ARIH1: variants seen among roughly 807,000 people sequenced by gnomAD.
The protein encoded by ARIH1 is E3 ubiquitin-protein ligase ARIH1.
A neutral mutation model predicts 85.0 loss-of-function variants in ARIH1; 8 were observed. That is an observed-to-expected ratio of 0.09 (90% CI 0.06 to 0.17). The LOEUF is 0.17. ARIH1 is among the 10% of genes least tolerant of loss of function. ARIH1 has a pLI of 1.00. For missense variants in ARIH1, 311 were observed against 718.1 expected (o/e 0.43, Z 6.48); for synonymous variants, 238 against 253.6 (o/e 0.94, Z 0.59).
intron 1 of ARIH1, among the ~76,000 whole-genome samples, chr15:72,501,472 C>T (rs189481787): frequency 2.6e-5 from 4 of 152,140 alleles, no homozygotes; most frequent in East Asian, 1.9e-4. Context: ...TTGAGTTGCA[C>T]GGTTTGAGAA....
At chr15:72,571,421 T>C (rs1006031779) in intron 10 of ARIH1, among the ~76,000 whole-genome samples, 4 of 152,234 alleles carry the variant, frequency 2.6e-5, no homozygotes, top group Admixed American at 2.0e-4. Flanking sequence ...ATGAAATAGC[T>C]GCTCCCATAA....
chr15:72,516,860 T>C (rs2063977344), intron 1 of ARIH1, among the ~76,000 whole-genome samples: 1 of 152,200 alleles, frequency 6.6e-6, no homozygotes, highest in South Asian at 2.1e-4. Context: ...CAGAGATCTT[T>C]TTTGGAAGGT....
chr15:72,540,842 T>A lies in ARIH1; in HGVS notation c.444-3978T>A, dbSNP rs192740460. 2.2e-3 allele frequency among the ~76,000 whole-genome samples: 328 copies of A among 152,246 alleles called. 2 individuals carry two copies. The highest frequency in any genetic ancestry group is 3.6e-3 in the Admixed American group (55 of 15,286). ...TAGTGAGACCCTAACTCATTTTTTTTAAAAAAGGTATTAACTCCAATATAC... is the reference window on the plus strand; with the variant it reads ...TAGTGAGACCCTAACTCATTTTTTTAAAAAAAGGTATTAACTCCAATATAC... On this transcript the variant is annotated intron_variant, in intron 2 of 13. Transcript: ENST00000379887.
chr15:72,514,311 G>C (rs904583716), intron 1 of ARIH1, among the ~76,000 whole-genome samples: 1 of 152,098 alleles, frequency 6.6e-6, no homozygotes, highest in African/African-American at 2.4e-5. Flanking sequence ...AATTTGTGTT[G>C]CCATATCTTC....
rs528974090 is a variant in ARIH1 at position 72,580,189 on chromosome 15, T to G, written c.1216-542T>G. On this transcript the variant is annotated intron_variant, in intron 11 of 13. Coordinates refer to ENST00000379887, the MANE Select transcript of ARIH1 (RefSeq NM_005744.5). ...TACATATAAGCGAGATCATGTAGTA[T>G]TTCTTTTCTGTGCCTGGCTTATTTC... Among the ~76,000 whole-genome samples the G allele has an allele frequency of 5.4e-4, 83 of 152,330 alleles. 1 individual carries two copies. In the South Asian group the frequency reaches 0.017, roughly 30 times the overall value.
intron 2 of ARIH1, among the ~76,000 whole-genome samples, chr15:72,534,672 G>C (rs2064072973): frequency 6.6e-6 from 1 of 151,182 alleles, no homozygotes; most frequent in Non-Finnish European, 1.5e-5. Context: ...TAACTTACTT[G>C]AGCAACCTCT....
Position 72,555,832 on chromosome 15 carries a change from T to C in ARIH1, c.682-20T>C, listed in dbSNP as rs2064172433. On this transcript the variant is annotated intron_variant, in intron 4 of 13. Coordinates refer to ENST00000379887, the MANE Select transcript of ARIH1 (RefSeq NM_005744.5). ...AAATATTTGTTGAATGAAGACAGTT[T>C]AAATTTCAATCTTTTTCAGACTATT... 6.2e-7 allele frequency: 1 copy of C among 1,609,102 alleles called. No individual in the cohort carries two copies.
chr15:72,540,577 G>A (rs1488753476), intron 2 of ARIH1, among the ~76,000 whole-genome samples: 2 of 150,386 alleles, frequency 1.3e-5, no homozygotes, highest in Non-Finnish European at 3.0e-5. Context: ...GAATATGAGT[G>A]GATTTTTAGC....
intron 2 of ARIH1, among the ~76,000 whole-genome samples, chr15:72,527,685 G>A (rs1190238048): frequency 1.3e-5 from 2 of 152,090 alleles, no homozygotes; most frequent in African/African-American, 4.8e-5. Context: ...TACTGTCATT[G>A]GCCCAGGCCT....
chr15:72,476,224 G>A (rs1413254357), intron 1 of ARIH1, among the ~76,000 whole-genome samples: 1 of 152,164 alleles, frequency 6.6e-6, no homozygotes, highest in Non-Finnish European at 1.5e-5. Flanking sequence ...AAAAATTGAA[G>A]CATCTATTCA....
intron 1 of ARIH1, among the ~76,000 whole-genome samples, chr15:72,516,019 A>G (rs781189494): frequency 3.3e-5 from 5 of 152,182 alleles, no homozygotes; most frequent in East Asian, 1.9e-4. Context: ...AAATAAAAAC[A>G]TGGTGGTGGA....
At chr15:72,502,538 C>T (rs2063908098) in intron 1 of ARIH1, among the ~76,000 whole-genome samples, 1 of 152,182 alleles carries the variant, frequency 6.6e-6, no homozygotes, top group African/African-American at 2.4e-5. Flanking sequence ...TGGGCACTCA[C>T]TCATGGCTGT....
intron 2 of ARIH1, among the ~76,000 whole-genome samples, chr15:72,519,345 A>G (rs1026974094): frequency 6.6e-6 from 1 of 151,914 alleles, no homozygotes; most frequent in African/African-American, 2.4e-5. Flanking sequence ...TTACTATTAA[A>G]TTACAATTTA....
At chr15:72,559,164 C>A (rs12900846) in intron 5 of ARIH1, among the ~76,000 whole-genome samples, 2 of 152,076 alleles carry the variant, frequency 1.3e-5, no homozygotes, top group Admixed American at 6.5e-5. Flanking sequence ...GTTTCACATC[C>A]CACAAATAAC....
At chr15:72,561,291 T>C (rs2064196405) in intron 5 of ARIH1, among the ~76,000 whole-genome samples, 192 bp from the exon 6 acceptor site, 2 of 152,190 alleles carry the variant, frequency 1.3e-5, no homozygotes, top group South Asian at 4.1e-4. Flanking sequence ...AAAATAAAAC[T>C]ATACAAACTT....
chr15:72,566,336 T>G, intron 7 of ARIH1: 1 of 492,590 alleles, frequency 2.0e-6, no homozygotes, highest in Non-Finnish European at 3.6e-6. Context: ...CGTGTCTTCA[T>G]GCTTATAGTC....
At chr15:72,480,854 G>A (rs777158396) in intron 1 of ARIH1, among the ~76,000 whole-genome samples, 4 of 152,144 alleles carry the variant, frequency 2.6e-5, no homozygotes, top group Admixed American at 6.6e-5. Context: ...GAGCCACCTT[G>A]CCCGGCCTTG....
At position 72,590,713 on chromosome 15, in the gene ARIH1, C is replaced by T. The variant is rs1460494357; in HGVS notation, c.*7421C>T. 1 of 152,246 alleles carries T rather than the reference C, an allele frequency of 6.6e-6. No homozygotes were observed. The highest frequency in any genetic ancestry group is 1.5e-5 in the Non-Finnish European group (1 of 68,124). The allele number at this position is 152,246 out of a possible 1,614,324, so 9.4% of individuals were successfully genotyped here. On this transcript the variant is annotated 3_prime_UTR_variant, in exon 14 of 14. Transcript: ENST00000379887. Reference sequence around the variant, plus strand: ...CTTCCTGCCACAGCCTCCTGAGTAACCTAGGACTATAGGTGCATGCCACCA... The same window carrying T: ...CTTCCTGCCACAGCCTCCTGAGTAATCTAGGACTATAGGTGCATGCCACCA...
chr15:72,503,964 G>A (rs1258109466), intron 1 of ARIH1, among the ~76,000 whole-genome samples: 1 of 152,260 alleles, frequency 6.6e-6, no homozygotes, highest in Non-Finnish European at 1.5e-5. Flanking sequence ...GTGGACAGCG[G>A]TGTGTTACCA....
Sources: gnomAD v4.1 joint callset for allele counts (sites outside exome capture counted in the v4.1 genomes callset) on GRCh38, gnomAD v4.1.1 for gene constraint, MANE v1.5 for transcripts, NCBI Gene and HGNC (gene_info 2026-07-23, HGNC 2026-07-21) for gene names.